SIN3B: variants seen among roughly 807,000 people sequenced by gnomAD.
SIN3B encodes SIN3 transcription regulator family member B.
Under a neutral mutation model 120.2 loss-of-function variants are expected in SIN3B, and 19 were observed. The observed-to-expected ratio is 0.16, with a 90% CI of 0.11 to 0.23. The LOEUF is 0.23. Among genes scored for constraint, SIN3B ranks in the 10% least tolerant of loss-of-function variants. The probability of loss-of-function intolerance (pLI) is 1.00; values close to 1 mark genes in which losing one functional copy is unlikely to be tolerated. For synonymous variants in SIN3B, 654 were observed against 653.2 expected (o/e 1.00, Z -0.02); for missense variants, 1,073 against 1,573.0 (o/e 0.68, Z 5.38).
chr19:16,851,586 C>T (rs1322647751), intron 6 of SIN3B, 52 bp downstream of exon 6: 30 of 1,518,932 alleles, frequency 2.0e-5, no homozygotes, highest in East Asian at 7.3e-5. Context: ...CCCAGCAAAT[C>T]GGGCCTTCCC....
intron 5 of SIN3B, among the ~76,000 whole-genome samples, chr19:16,850,639 T>A (rs1215829189): frequency 6.6e-6 from 1 of 152,146 alleles, no homozygotes; most frequent in African/African-American, 2.4e-5. Flanking sequence ...CGGAGTACGA[T>A]GGAGGTGACC....
chr19:16,830,029 G>A lies in SIN3B; in HGVS notation c.227+132G>A, dbSNP rs185471993. 2,046 of 624,180 alleles carry A rather than the reference G, an allele frequency of 3.3e-3. 7 individuals carry two copies. The highest frequency in any genetic ancestry group is 5.0e-3 in the Non-Finnish European group (1,716 of 343,016). 38.7% of individuals were successfully genotyped at this position (624,180 alleles called of 1,614,324 possible). On this transcript the variant is annotated intron_variant, in intron 2 of 18. Transcript: ENST00000248054. Reference sequence around the variant, plus strand: ...TGCGCAGGTTGTCCAATCTCTCAGAGCCCTAGCTCCTTCTCGTAACAAAAA... The same window carrying A: ...TGCGCAGGTTGTCCAATCTCTCAGAACCCTAGCTCCTTCTCGTAACAAAAA...
intron 5 of SIN3B, among the ~76,000 whole-genome samples, chr19:16,850,128 A>G (rs1320182004): frequency 5.3e-5 from 8 of 151,878 alleles, no homozygotes; most frequent in Admixed American, 3.9e-4. Flanking sequence ...TTATTCTTCT[A>G]AGTCTTAACT....
chr19:16,842,894 G>T (rs1384789272), intron 4 of SIN3B, among the ~76,000 whole-genome samples: 1 of 152,192 alleles, frequency 6.6e-6, no homozygotes, highest in African/African-American at 2.4e-5. Flanking sequence ...CTGGAGGAAG[G>T]GTGGACATTC....
Position 16,869,963 on chromosome 19 carries a change from G to A in SIN3B, c.2310G>A (p.Ala770=), listed in dbSNP as rs200639849. 3.0e-5 allele frequency: 49 copies of A among 1,614,064 alleles called. No individual in the cohort carries two copies. Among genetic ancestry groups the A allele is most frequent in the African/African-American group, 4.0e-5 (3 of 74,944 alleles). Residue 770 remains alanine (A), a synonymous_variant, in exon 13 of 19, where the codon GCG becomes GCA. Coordinates refer to ENST00000248054, the MANE Select transcript of SIN3B (RefSeq NM_001297595.2). The part of the protein sequence containing the change: ...CSRLLKIYRQ[A]QKQLLEYRTE... ...GGCTGCTGAAGATCTACCGCCAGGC[G>A]CAGAAGCAGCTTCTGGAGTATCGGA...
chr19:16,877,454 CCCTGTGAGCT>C, intron 16 of SIN3B, 81 bp from the exon 17 acceptor site: 1 of 920,472 alleles, frequency 1.1e-6, no homozygotes, highest in Non-Finnish European at 1.7e-6. Flanking sequence ...GGCACAGAAC[CCCTGTGAGCT>C]CCTGAACTCA....
At position 16,875,392 on chromosome 19, in the gene SIN3B, TTGGTC is replaced by T. The variant is rs1283413244; in HGVS notation, c.2593-653_2593-649del. On this transcript the variant is annotated intron_variant, in intron 14 of 18. Transcript: ENST00000248054. ...TCTGGTTTGGTCTGGTCTGGTCTGT[TTGGTC>T]TGGTCTGGTTTGGTCTGGTCTGGTC... Among the ~76,000 whole-genome samples, 151 of 139,128 alleles carry T rather than the reference TTGGTC, an allele frequency of 1.1e-3. 1 individual carries two copies. Among genetic ancestry groups the T allele is most frequent in the African/African-American group, 4.0e-3 (141 of 35,162 alleles). 91.3% of individuals were successfully genotyped at this position (139,128 alleles called of 152,430 possible). A position where few individuals can be genotyped will look rare whatever the true frequency, so the allele number is the denominator to read the frequency against.
intron 3 of SIN3B, among the ~76,000 whole-genome samples, chr19:16,838,885 G>A (rs1298671383): frequency 6.7e-6 from 1 of 149,440 alleles, no homozygotes; most frequent in South Asian, 2.1e-4. Flanking sequence ...TGTTGGCCAG[G>A]CTAGTCTTGA....
chr19:16,854,341 T>C (rs1971584773), intron 8 of SIN3B, 80 bp downstream of exon 8: 1 of 809,180 alleles, frequency 1.2e-6, no homozygotes, highest in Non-Finnish European at 2.0e-6. Context: ...AGTTACTGTT[T>C]TTGAGCAATG....
In SIN3B at chr19:16,858,979, T is replaced by A. The variant is rs140681566; in HGVS notation, c.1059-3373T>A. Among the ~76,000 whole-genome samples the A allele has an allele frequency of 2.2e-3, 339 of 152,100 alleles. 1 individual carries two copies. The highest frequency in any genetic ancestry group is 7.5e-3 in the African/African-American group (310 of 41,518). On this transcript the variant is annotated intron_variant, in intron 8 of 18. Coordinates refer to ENST00000248054, the MANE Select transcript of SIN3B (RefSeq NM_001297595.2). ...CGAAAACAAAAAAAAATGACCAGCC[T>A]GGGCAACATAGTGAGACCTCGTCAG...
intron 10 of SIN3B, chr19:16,865,127 G>C: frequency 3.2e-6 from 1 of 307,960 alleles, no homozygotes; most frequent in African/African-American, 2.1e-5. Flanking sequence ...CACCGTGCCC[G>C]GCCATAAATT....
intron 12 of SIN3B, among the ~76,000 whole-genome samples, chr19:16,868,674 A>T (rs1599610513): frequency 6.6e-6 from 1 of 152,168 alleles, no homozygotes; most frequent in African/African-American, 2.4e-5. Context: ...GTGGAGGGGC[A>T]CATCAGGGGC....
In SIN3B at chr19:16,878,989, ACAAG is replaced by A. The variant is rs2051654848; in HGVS notation, c.*266_*269del. ...GGCGGGTGGACGTGCTGGCCGAGGA[ACAAG>A]CAATCATGTTTGCGTCCCCGTCCGT... On this transcript the variant is annotated 3_prime_UTR_variant, in exon 19 of 19. Coordinates refer to ENST00000248054, the MANE Select transcript of SIN3B (RefSeq NM_001297595.2). 3.7e-6 allele frequency: 2 copies of A among 535,012 alleles called. No homozygotes were observed. The highest frequency in any genetic ancestry group is 6.6e-6 in the Non-Finnish European group (2 of 303,194). 33.1% of individuals were successfully genotyped at this position (535,012 alleles called of 1,614,324 possible). A position where few individuals can be genotyped will look rare whatever the true frequency, so the allele number is the denominator to read the frequency against.
chr19:16,830,514 G>A lies in SIN3B; in HGVS notation c.227+617G>A, dbSNP rs2547099. ...TTGTTTTTATAGGAGACTCACTGAG[G>A]TTTGGAGTGGGTAAGGGACCCACCT... On this transcript the variant is annotated intron_variant, in intron 2 of 18. Coordinates refer to ENST00000248054, the MANE Select transcript of SIN3B (RefSeq NM_001297595.2). Among the ~76,000 whole-genome samples, 1,059 of 152,286 alleles carry A rather than the reference G, an allele frequency of 7.0e-3. 14 individuals are homozygous for A. The highest frequency in any genetic ancestry group is 0.024 in the African/African-American group (1,000 of 41,546).
At chr19:16,840,661 G>A (rs1971405869) in intron 3 of SIN3B, among the ~76,000 whole-genome samples, 1 of 152,160 alleles carries the variant, frequency 6.6e-6, no homozygotes, top group African/African-American at 2.4e-5. Context: ...TGCAGTGTTG[G>A]GCACTGCAGG....
intron 3 of SIN3B, among the ~76,000 whole-genome samples, chr19:16,833,733 G>T (rs35553887): frequency 0.46 from 68,648 of 148,550 alleles, 15,848 homozygotes; most frequent in Non-Finnish European, 0.48. Context: ...TTTTTTTTTT[G>T]CCTTTTTTGA....
chr19:16,869,319 C>T, intron 12 of SIN3B, 141 bp from the exon 13 acceptor site: 1 of 1,101,916 alleles, frequency 9.1e-7, no homozygotes. Context: ...CCTGCTGCCT[C>T]ACCGATGTTC....
intron 3 of SIN3B, among the ~76,000 whole-genome samples, chr19:16,834,446 C>T (rs1037229783): frequency 3.9e-4 from 60 of 152,280 alleles, no homozygotes; most frequent in African/African-American, 1.3e-3. Flanking sequence ...TAAGTAGCTG[C>T]GGGTCCCCAA....
chr19:16,830,866 C>T (rs1253133982), intron 2 of SIN3B, among the ~76,000 whole-genome samples: 1 of 152,226 alleles, frequency 6.6e-6, no homozygotes, highest in African/African-American at 2.4e-5. Flanking sequence ...AGGACTTTGG[C>T]CTCCTGCCAT....
Sources: allele counts gnomAD v4.1 joint callset (sites outside exome capture counted in the v4.1 genomes callset), GRCh38; gene constraint gnomAD v4.1.1; transcripts MANE v1.5; gene names NCBI Gene and HGNC (gene_info 2026-07-23, HGNC 2026-07-21).